The following LSAMP variants were observed in gnomAD, a reference collection of about 807,000 sequenced individuals.
The protein encoded by LSAMP is limbic system associated membrane protein.
In LSAMP, 7 loss-of-function variants were observed where a neutral mutation model predicts 38.6. The ratio of observed to expected loss-of-function variants is 0.18; its 90% confidence interval spans 0.10 to 0.34. The LOEUF (loss-of-function observed/expected upper bound fraction) is 0.34. Among genes scored for constraint, LSAMP ranks in the 10% least tolerant of loss-of-function variants. The pLI is 1.00. For synonymous variants in LSAMP, 154 were observed against 166.8 expected, an observed-to-expected ratio of 0.92 and a Z score of 0.59; for missense variants, 313 against 420.0, an observed-to-expected ratio of 0.75 and a Z score of 2.23.
chr3:116,113,420 ATTTTTTTT>A (rs374608044), intron 1 of LSAMP, among the ~76,000 whole-genome samples: 1 of 51,044 alleles, frequency 2.0e-5, no homozygotes, highest in Non-Finnish European at 3.2e-5. Flanking sequence ...ATATATATAT[ATTTTTTTT>A]TTTTTTTTTT....
chr3:116,171,698 G>C (rs927987105), intron 1 of LSAMP, among the ~76,000 whole-genome samples: 1 of 152,088 alleles, frequency 6.6e-6, no homozygotes, highest in Non-Finnish European at 1.5e-5. Context: ...GGGCCCTTCT[G>C]TCCTCTGAGA....
chr3:116,012,694 TGAA>T (rs1356910438), intron 3 of LSAMP, among the ~76,000 whole-genome samples: 2 of 152,134 alleles, frequency 1.3e-5, no homozygotes, highest in East Asian at 3.9e-4. Flanking sequence ...TGTGCTGGAA[TGAA>T]GGATAGACCT....
At chr3:116,076,805 C>T (rs972993372) in intron 2 of LSAMP, among the ~76,000 whole-genome samples, 2 of 152,022 alleles carry the variant, frequency 1.3e-5, no homozygotes, top group South Asian at 2.1e-4. Context: ...AACAAGCAAA[C>T]AAACAAAAAA....
intron 1 of LSAMP, among the ~76,000 whole-genome samples, chr3:116,391,345 C>G (rs2107812879): frequency 6.6e-6 from 1 of 152,316 alleles, no homozygotes; most frequent in East Asian, 1.9e-4. Context: ...CTGTCCCACC[C>G]TTGTGCAGCC....
rs1178507180 is a variant in LSAMP at position 116,304,905 on chromosome 3, TTC to T, written c.155+139970_155+139971del. 2.2e-4 allele frequency among the ~76,000 whole-genome samples: 34 copies of T among 152,188 alleles called. 1 individual carries two copies. The highest frequency in any genetic ancestry group is 2.0e-3 in the Admixed American group (30 of 15,266). On this transcript the variant is annotated intron_variant, in intron 1 of 6. Transcript: ENST00000490035. ...GGAAGGAGAAGAGTTACTTTTGTGT[TTC>T]TGAGTGATTTCCTCATGGAAGAAAA...
intron 1 of LSAMP, among the ~76,000 whole-genome samples, chr3:116,156,372 G>T (rs983507851): frequency 1.3e-5 from 2 of 152,106 alleles, no homozygotes; most frequent in African/African-American, 4.8e-5. Flanking sequence ...AGGAAGGAAT[G>T]CTATTTATTT....
chr3:116,334,080 A>C (rs1274844935), intron 1 of LSAMP, among the ~76,000 whole-genome samples: 2 of 151,986 alleles, frequency 1.3e-5, no homozygotes, highest in Admixed American at 6.6e-5. Context: ...TTGATTCTAC[A>C]GAAATAAAAA....
intron 3 of LSAMP, among the ~76,000 whole-genome samples, chr3:115,928,978 T>G (rs1020817218): frequency 1.4e-4 from 21 of 148,638 alleles, no homozygotes; most frequent in Admixed American, 2.0e-4. Flanking sequence ...TGTTTGTTTT[T>G]TTTTTTTTTT....
At chr3:115,915,325 G>A (rs1937227371) in intron 3 of LSAMP, among the ~76,000 whole-genome samples, 1 of 152,206 alleles carries the variant, frequency 6.6e-6, no homozygotes, top group African/African-American at 2.4e-5. Context: ...AGAGAAATGA[G>A]ATGGAGTTTC....
At chr3:115,902,815 T>A (rs1936911762) in intron 3 of LSAMP, among the ~76,000 whole-genome samples, 1 of 152,148 alleles carries the variant, frequency 6.6e-6, no homozygotes, top group Non-Finnish European at 1.5e-5. Flanking sequence ...CCAGTCAGAA[T>A]GGCTATCATT....
chr3:116,159,478 G>A (rs898452304), intron 1 of LSAMP, among the ~76,000 whole-genome samples: 3 of 152,092 alleles, frequency 2.0e-5, no homozygotes, highest in Non-Finnish European at 2.9e-5. Context: ...AGACATATAT[G>A]TGGCCAATAG....
chr3:115,961,097 G>T (rs1169255431), intron 3 of LSAMP, among the ~76,000 whole-genome samples: 1 of 152,224 alleles, frequency 6.6e-6, no homozygotes, highest in African/African-American at 2.4e-5. Flanking sequence ...ATCACCAAGA[G>T]GCAAATGCTA....
chr3:115,841,769 G>A (rs1026021852), intron 6 of LSAMP, 76 bp downstream of exon 6: 23 of 1,507,254 alleles, frequency 1.5e-5, no homozygotes, highest in Admixed American at 8.9e-5. Context: ...TAATAGCTAA[G>A]GGAATGGTTT....
intron 2 of LSAMP, among the ~76,000 whole-genome samples, chr3:116,058,708 G>C (rs1266040265): frequency 6.6e-6 from 1 of 152,076 alleles, no homozygotes; most frequent in Admixed American, 6.6e-5. Flanking sequence ...AGAAAATTTA[G>C]TTTGGGTGTT....
At chr3:116,073,695 C>T (rs1405821582) in intron 2 of LSAMP, among the ~76,000 whole-genome samples, 1 of 152,160 alleles carries the variant, frequency 6.6e-6, no homozygotes, top group East Asian at 1.9e-4. Context: ...ACTGAAGTTG[C>T]TAATCAGCTT....
chr3:116,381,739 C>A (rs527943899), intron 1 of LSAMP, among the ~76,000 whole-genome samples: 1 of 152,188 alleles, frequency 6.6e-6, no homozygotes, highest in Non-Finnish European at 1.5e-5. Flanking sequence ...ATCTTACTTT[C>A]ATAAAGTTGA....
chr3:115,901,410 A>G (rs1936870396), intron 3 of LSAMP, among the ~76,000 whole-genome samples: 1 of 152,166 alleles, frequency 6.6e-6, no homozygotes, highest in Admixed American at 6.6e-5. Context: ...TGCTTCCCGA[A>G]ATAGTGTTCA....
intron 1 of LSAMP, among the ~76,000 whole-genome samples, chr3:116,367,040 A>C (rs1474008716): frequency 6.6e-6 from 1 of 152,172 alleles, no homozygotes; most frequent in Non-Finnish European, 1.5e-5. Context: ...CCTTACCCAA[A>C]AACTTCTAAT....
At chr3:116,167,458 A>C (rs552562963) in intron 1 of LSAMP, among the ~76,000 whole-genome samples, 1 of 152,342 alleles carries the variant, frequency 6.6e-6, no homozygotes, top group African/African-American at 2.4e-5. Flanking sequence ...AATGAAGTTG[A>C]ATTGAAATGA....
Sources: allele counts gnomAD v4.1 joint callset (sites outside exome capture counted in the v4.1 genomes callset), GRCh38; gene constraint gnomAD v4.1.1; transcripts MANE v1.5; gene names NCBI Gene and HGNC (gene_info 2026-07-23, HGNC 2026-07-21).